BAZ1A: variants seen among roughly 807,000 people sequenced by gnomAD.
BAZ1A encodes bromodomain adjacent to zinc finger domain protein 1A.
A neutral mutation model predicts 185.2 loss-of-function variants in BAZ1A; 50 were observed. The ratio of observed to expected loss-of-function variants is 0.27; its 90% CI spans 0.22 to 0.34. The LOEUF is 0.34. Among genes scored for constraint, BAZ1A ranks in the 10% least tolerant of loss-of-function variants. The pLI is 1.00. For synonymous variants in BAZ1A, 571 were observed against 615.6 expected, an observed-to-expected ratio of 0.93 and a Z score of 1.07; for missense variants, 1,356 against 1,839.9, an observed-to-expected ratio of 0.74 and a Z score of 4.81.
Position 34,837,405 on chromosome 14 carries a change from TA to T in BAZ1A, c.393-11250del, listed in dbSNP as rs1258077213. Reference sequence around the variant, plus strand: ...TACAGGCGAATACCACCACCCCAGCTAATTTTTTTTTTTTGTAGAGATGCGT... The same window carrying T: ...TACAGGCGAATACCACCACCCCAGCTATTTTTTTTTTTTGTAGAGATGCGT... On this transcript the variant is annotated intron_variant, in intron 3 of 26. Coordinates refer to ENST00000360310, the MANE Select transcript of BAZ1A (RefSeq NM_013448.3). Among the ~76,000 whole-genome samples the T allele has an allele frequency of 7.4e-5, 7 of 94,886 alleles. No individual in the cohort carries two copies. In the Admixed American group the frequency reaches 7.8e-4, roughly 11 times the overall value. 62.2% of individuals were successfully genotyped at this position (94,886 alleles called of 152,430 possible).
intron 11 of BAZ1A, 37 bp downstream of exon 11, chr14:34,794,712 G>T: frequency 6.3e-7 from 1 of 1,578,130 alleles, no homozygotes; most frequent in South Asian, 1.2e-5. Context: ...ATTTTAGGAT[G>T]AACTATAATG....
At chr14:34,784,959 C>T (rs993957892) in intron 14 of BAZ1A, among the ~76,000 whole-genome samples, 1 of 152,140 alleles carries the variant, frequency 6.6e-6, no homozygotes, top group African/African-American at 2.4e-5. Context: ...TGGGTTCAAG[C>T]GATTCTCCTG....
At chr14:34,760,201 G>T (rs1324629304) in intron 24 of BAZ1A, among the ~76,000 whole-genome samples, 1 of 152,046 alleles carries the variant, frequency 6.6e-6, no homozygotes, top group Non-Finnish European at 1.5e-5. Flanking sequence ...ACAAATCAAT[G>T]AAAACAAAAA....
intron 3 of BAZ1A, among the ~76,000 whole-genome samples, chr14:34,851,153 C>T (rs1362100797): frequency 3.3e-5 from 5 of 151,640 alleles, no homozygotes; most frequent in Admixed American, 6.6e-5. Flanking sequence ...GCCAACGTAG[C>T]GAAATCCCAT....
intron 20 of BAZ1A, 139 bp from the exon 21 acceptor site, chr14:34,771,798 G>A: frequency 2.9e-6 from 2 of 689,780 alleles, no homozygotes; most frequent in Non-Finnish European, 4.7e-6. Context: ...CAGTAAACTA[G>A]TAGGGAAGGG....
At chr14:34,783,966 C>T in intron 14 of BAZ1A, 39 bp from the exon 15 acceptor site, 2 of 1,527,254 alleles carry the variant, frequency 1.3e-6, no homozygotes, top group Non-Finnish European at 1.8e-6. Context: ...TTATAAATCG[C>T]AGCAAATGAA....
chr14:34,756,460 A>G (rs1886251858), intron 25 of BAZ1A, among the ~76,000 whole-genome samples: 1 of 134,068 alleles, frequency 7.5e-6, no homozygotes, highest in Admixed American at 7.8e-5. Flanking sequence ...CCCAGCCAGA[A>G]TACCTATTTT....
chr14:34,817,448 G>A (rs960994704), intron 4 of BAZ1A, among the ~76,000 whole-genome samples: 2 of 152,070 alleles, frequency 1.3e-5, no homozygotes, highest in African/African-American at 4.8e-5. Context: ...ATTAGCTGGA[G>A]GTGTTGGCAC....
intron 3 of BAZ1A, among the ~76,000 whole-genome samples, chr14:34,828,968 G>A (rs893972619): frequency 2.9e-4 from 44 of 152,148 alleles, no homozygotes; most frequent in African/African-American, 8.9e-4. Context: ...CTGCTCTGTA[G>A]ACATTTTGCT....
intron 3 of BAZ1A, among the ~76,000 whole-genome samples, chr14:34,840,756 C>G (rs1182461059): frequency 1.4e-5 from 2 of 140,158 alleles, no homozygotes; most frequent in Non-Finnish European, 3.1e-5. Flanking sequence ...GACTCTGTCT[C>G]CCCCCCAAAA....
chr14:34,831,404 T>A (rs1327834341), intron 3 of BAZ1A, among the ~76,000 whole-genome samples: 1 of 152,218 alleles, frequency 6.6e-6, no homozygotes, highest in Non-Finnish European at 1.5e-5. Flanking sequence ...GATAAAATTC[T>A]GGTGCTGTCG....
rs201408305 is a variant in BAZ1A, at chr14:34,862,038, C to A, written c.392+6G>T. ...TTACCAAGAGGAAAAATTAAAAGTA[C>A]TTTACCTTGCACCATTGTTCCTAAT... On this transcript the variant is annotated splice_donor_region_variant and intron_variant, in intron 3 of 26. Transcript: ENST00000360310. 6.2e-7 allele frequency: 1 copy of A among 1,611,480 alleles called. No individual in the cohort carries two copies. The highest frequency in any genetic ancestry group is 8.5e-7 in the Non-Finnish European group (1 of 1,178,286).
intron 4 of BAZ1A, among the ~76,000 whole-genome samples, chr14:34,817,420 T>C (rs2042022752): frequency 6.6e-6 from 1 of 152,146 alleles, no homozygotes; most frequent in South Asian, 2.1e-4. Flanking sequence ...AAACCCCATC[T>C]CTACTAAAAA....
intron 5 of BAZ1A, among the ~76,000 whole-genome samples, chr14:34,810,309 G>A (rs7150069): frequency 0.27 from 41,752 of 152,034 alleles, 6,320 homozygotes; most frequent in Non-Finnish European, 0.36. Context: ...ATAACCTAAA[G>A]CCAGTTCTTT....
intron 3 of BAZ1A, among the ~76,000 whole-genome samples, chr14:34,847,002 G>C (rs954385857): frequency 6.6e-6 from 1 of 152,182 alleles, no homozygotes; most frequent in Non-Finnish European, 1.5e-5. Flanking sequence ...TGTAATCCCA[G>C]CACTTTGGGA....
Position 34,753,577 on chromosome 14 carries a change from T to C in BAZ1A, c.4602A>G (p.Gly1534=). The C allele has an allele frequency of 2.5e-6, 4 of 1,613,968 alleles. No homozygotes were observed. The highest frequency in any genetic ancestry group is 3.4e-6 in the Non-Finnish European group (4 of 1,179,988). ...CCACATTACTGGGTGTGACGTGGAG[T>C]CCAAGCTTTTGAGCCTGAATATGAA... is the stretch of plus-strand genomic sequence containing the variant. ...AFFHIQAQKL[G]LHVTPSNVDQ... Residue 1534 remains glycine (G), a synonymous_variant, in exon 27 of 27, where the codon GGA becomes GGG. Transcript: ENST00000360310.
At chr14:34,827,119 G>T (rs557864833) in intron 3 of BAZ1A, among the ~76,000 whole-genome samples, 3 of 151,890 alleles carry the variant, frequency 2.0e-5, no homozygotes, top group Admixed American at 6.6e-5. Context: ...ATCTCCTATT[G>T]GTTCTGTCTC....
In BAZ1A at chr14:34,808,626, T is replaced by G. The variant is rs572215786; in HGVS notation, c.639-1088A>C. Among the ~76,000 whole-genome samples, 643 of 152,310 alleles carry G rather than the reference T, an allele frequency of 4.2e-3. 3 individuals carry two copies. The highest frequency in any genetic ancestry group is 6.1e-3 in the Non-Finnish European group (412 of 68,012). On this transcript the variant is annotated intron_variant, in intron 5 of 26. Coordinates refer to ENST00000360310, the MANE Select transcript of BAZ1A (RefSeq NM_013448.3). ...ATTGAACATAGCTTGTATCAAATTT[T>G]AAAACATTTTGTATTTAAATCTCAT...
chr14:34,757,263 G>A (rs911393424), intron 25 of BAZ1A, among the ~76,000 whole-genome samples: 2 of 151,134 alleles, frequency 1.3e-5, no homozygotes, highest in Admixed American at 6.6e-5. Flanking sequence ...TACTCGGGAG[G>A]CTGAGGCAGG....
Sources: allele counts gnomAD v4.1 joint callset (sites outside exome capture counted in the v4.1 genomes callset), GRCh38; gene constraint gnomAD v4.1.1; transcripts MANE v1.5; gene names NCBI Gene and HGNC (gene_info 2026-07-23, HGNC 2026-07-21).